TMTC2: variants seen among roughly 807,000 people sequenced by gnomAD.
TMTC2 encodes protein O-mannosyl-transferase TMTC2.
A neutral mutation model predicts 82.4 loss-of-function variants in TMTC2; 43 were observed. The ratio of observed to expected loss-of-function variants is 0.52; its 90% CI spans 0.41 to 0.67. The LOEUF is 0.67. Among genes scored for constraint, TMTC2 ranks in the 30% least tolerant of loss-of-function variants. TMTC2 has a pLI of 0.00. For missense variants in TMTC2, 919 were observed against 1,012.4 expected (o/e 0.91, Z 1.25); for synonymous variants, 408 against 381.9 (o/e 1.07, Z -0.80).
intron 8 of TMTC2, among the ~76,000 whole-genome samples, chr12:83,028,336 CTA>C (rs1881267854): frequency 1.3e-5 from 2 of 152,124 alleles, no homozygotes; most frequent in Admixed American, 1.3e-4. Context: ...AAAATTAAGA[CTA>C]TTTTAAAGTA....
intron 10 of TMTC2, among the ~76,000 whole-genome samples, chr12:83,060,686 G>T (rs139146973): frequency 9.0e-4 from 136 of 151,620 alleles, no homozygotes; most frequent in African/African-American, 3.2e-3. Context: ...CTCAACCTCC[G>T]CAAGCTTCTT....
At chr12:82,820,927 G>C (rs1310350480) in intron 1 of TMTC2, among the ~76,000 whole-genome samples, 1 of 152,142 alleles carries the variant, frequency 6.6e-6, no homozygotes, top group Non-Finnish European at 1.5e-5. Flanking sequence ...GCCTAGGCTG[G>C]AGTGCAGTGG....
At chr12:82,944,590 A>G (rs189302472) in intron 4 of TMTC2, among the ~76,000 whole-genome samples, 9 of 150,284 alleles carry the variant, frequency 6.0e-5, no homozygotes, top group African/African-American at 2.3e-4. Context: ...AAAGGAAAAG[A>G]AAAAGAAAAA....
chr12:82,704,540 G>T (rs796073912), intron 1 of TMTC2, among the ~76,000 whole-genome samples: 8 of 152,134 alleles, frequency 5.3e-5, no homozygotes, highest in African/African-American at 1.9e-4. Context: ...GACTGAAACT[G>T]GTAGAAACAG....
intron 8 of TMTC2, among the ~76,000 whole-genome samples, chr12:83,002,125 G>T (rs938729951): frequency 3.3e-5 from 5 of 151,978 alleles, no homozygotes; most frequent in African/African-American, 1.2e-4. Flanking sequence ...TTGGTGGTTA[G>T]GTTTTTTTAT....
At chr12:82,701,759 C>CAA (rs1303971501) in intron 1 of TMTC2, among the ~76,000 whole-genome samples, 1 of 94,984 alleles carries the variant, frequency 1.1e-5, no homozygotes, top group African/African-American at 3.9e-5. Flanking sequence ...AACTCCGTCT[C>CAA]AAAAAAAAAA....
intron 1 of TMTC2, among the ~76,000 whole-genome samples, chr12:82,693,853 C>T (rs946514811): frequency 7.9e-5 from 12 of 151,248 alleles, no homozygotes; most frequent in Non-Finnish European, 1.0e-4. Flanking sequence ...CTGTAACCCC[C>T]GCTACTCAGG....
intron 10 of TMTC2, among the ~76,000 whole-genome samples, chr12:83,057,970 G>A (rs1449233425): frequency 3.3e-5 from 5 of 151,688 alleles, no homozygotes; most frequent in South Asian, 4.1e-4. Flanking sequence ...GTGGTTAATC[G>A]TAAGTGGTTC....
chr12:82,903,395 T>TTTTTGTTTTTG (rs11269050), intron 3 of TMTC2, among the ~76,000 whole-genome samples: 13,666 of 151,744 alleles, frequency 0.09, 790 homozygotes, highest in Non-Finnish European at 0.12. Flanking sequence ...AGGTAGAGTT[T>TTTTTGTTTTTG]TTTTGTTTTT....
chr12:82,720,026 C>T (rs1300669131), intron 1 of TMTC2, among the ~76,000 whole-genome samples: 20 of 152,050 alleles, frequency 1.3e-4, no homozygotes, highest in Admixed American at 9.2e-4. Context: ...TGCATATTTT[C>T]TGTTTTTTTG....
At chr12:82,703,309 C>T (rs926773153) in intron 1 of TMTC2, among the ~76,000 whole-genome samples, 9 of 152,036 alleles carry the variant, frequency 5.9e-5, no homozygotes, top group Non-Finnish European at 1.0e-4. Context: ...TAAGTATGAC[C>T]TCCCTATAAA....
At chr12:83,100,891 C>A (rs1884195433) in intron 11 of TMTC2, among the ~76,000 whole-genome samples, 1 of 152,168 alleles carries the variant, frequency 6.6e-6, no homozygotes, top group African/African-American at 2.4e-5. Flanking sequence ...AGAAAGTAAG[C>A]ATGGCACTAA....
intron 11 of TMTC2, among the ~76,000 whole-genome samples, chr12:83,064,022 G>A (rs1882831756): frequency 6.6e-6 from 1 of 151,658 alleles, no homozygotes; most frequent in South Asian, 2.1e-4. Flanking sequence ...AGAGATCAGA[G>A]TTTTTCTTTT....
At chr12:82,983,808 G>A (rs907629145) in intron 7 of TMTC2, among the ~76,000 whole-genome samples, 1 of 151,898 alleles carries the variant, frequency 6.6e-6, no homozygotes, top group Non-Finnish European at 1.5e-5. Context: ...AGATAAATAT[G>A]TGGATATGTT....
chr12:83,012,123 C>T (rs1450659047), intron 8 of TMTC2, among the ~76,000 whole-genome samples: 1 of 152,090 alleles, frequency 6.6e-6, no homozygotes, highest in Admixed American at 6.6e-5. Context: ...TAACTATTAT[C>T]ATGTCTATCT....
intron 6 of TMTC2, chr12:82,965,952 A>C (rs190921169): frequency 7.2e-5 from 41 of 566,512 alleles, no homozygotes; most frequent in African/African-American, 7.1e-4. Context: ...CTGCTAAATA[A>C]AAATTTAATA....
intron 4 of TMTC2, among the ~76,000 whole-genome samples, chr12:82,934,320 G>C (rs1443264229): frequency 6.6e-6 from 1 of 152,130 alleles, no homozygotes; most frequent in Non-Finnish European, 1.5e-5. Flanking sequence ...ATGGTGGTTT[G>C]CTGCACCCAT....
chr12:82,704,686 A>G (rs989143392), intron 1 of TMTC2, among the ~76,000 whole-genome samples: 6 of 152,022 alleles, frequency 3.9e-5, no homozygotes, highest in Non-Finnish European at 8.8e-5. Flanking sequence ...CTTAAATGAA[A>G]TTATTTGTAC....
At chr12:83,028,139 AT>A (rs1881260011) in intron 8 of TMTC2, among the ~76,000 whole-genome samples, 1 of 152,166 alleles carries the variant, frequency 6.6e-6, no homozygotes, top group Non-Finnish European at 1.5e-5. Context: ...AACAAAATAC[AT>A]TATTTGTCAT....
Sources: allele counts gnomAD v4.1 joint callset (sites outside exome capture counted in the v4.1 genomes callset), GRCh38; gene constraint gnomAD v4.1.1; transcripts MANE v1.5; gene names NCBI Gene and HGNC (gene_info 2026-07-23, HGNC 2026-07-21).